CDH13: variants seen among roughly 807,000 people sequenced by gnomAD.
The protein encoded by CDH13 is cadherin 13, also known as cadherin-13.
In CDH13, 24 loss-of-function variants were observed where a neutral mutation model predicts 63.8. That is an observed-to-expected ratio of 0.38 (90% CI 0.27 to 0.53). The LOEUF (loss-of-function observed/expected upper bound fraction) is 0.53. CDH13 is among the 20% of genes least tolerant of loss of function. CDH13 has a pLI of 0.85. For synonymous variants in CDH13, 503 were observed against 355.3 expected, an observed-to-expected ratio of 1.42 and a Z score of -4.67; for missense variants, 1,049 against 903.1, an observed-to-expected ratio of 1.16 and a Z score of -2.07.
At position 83,222,419 on chromosome 16, in the gene CDH13, G is replaced by A. The variant is rs918661520; in HGVS notation, c.636+4922G>A. 9.9e-5 allele frequency among the ~76,000 whole-genome samples: 15 copies of A among 152,276 alleles called. No homozygotes were observed. In the South Asian group the frequency reaches 2.1e-3, roughly 21 times the overall value. On this transcript the variant is annotated intron_variant, in intron 5 of 13. Transcript: ENST00000567109. ...ACACATTAAAGTGAAAGCTGCTGCC[G>A]TCATGCGGAAATAGGTGTATCATAA...
In CDH13 at chr16:83,602,526, G is replaced by C; in HGVS notation, c.1033G>C (p.Gly345Arg). 1 of 1,613,938 alleles carries C rather than the reference G, an allele frequency of 6.2e-7. No homozygotes were observed. The highest frequency in any genetic ancestry group is 8.5e-7 in the Non-Finnish European group (1 of 1,179,834). ...DMAGLDVGLT[G>R]TATATIMIDD... ...GGCTGGACTGGATGTTGGATTAACA[G>C]GCACGGCCACAGCCACGATCATGAT... The change falls in exon 8 of 14, where the codon GGC becomes CGC. Residue 345 changes from glycine to arginine, a missense_variant. By Grantham distance (125) the Gly-to-Arg change is moderately radical. Coordinates refer to ENST00000567109, the MANE Select transcript of CDH13 (RefSeq NM_001257.5).
intron 5 of CDH13, among the ~76,000 whole-genome samples, chr16:83,244,709 G>C (rs1871561992): frequency 6.6e-6 from 1 of 152,112 alleles, no homozygotes; most frequent in Non-Finnish European, 1.5e-5. Context: ...AGCATTAAAG[G>C]CACATAGGCA....
intron 1 of CDH13, among the ~76,000 whole-genome samples, chr16:82,632,948 A>G (rs1309655075): frequency 6.6e-6 from 1 of 152,178 alleles, no homozygotes; most frequent in Non-Finnish European, 1.5e-5. Flanking sequence ...CCATGCACGC[A>G]CACAGTTCAC....
At chr16:82,722,554 C>G (rs925576026) in intron 1 of CDH13, among the ~76,000 whole-genome samples, 1 of 152,176 alleles carries the variant, frequency 6.6e-6, no homozygotes, top group African/African-American at 2.4e-5. Context: ...ACATGGCCAG[C>G]TCTGCAGCTG....
chr16:82,805,280 T>C (rs2037086240), intron 1 of CDH13, among the ~76,000 whole-genome samples: 2 of 152,196 alleles, frequency 1.3e-5, no homozygotes, highest in Admixed American at 1.3e-4. Context: ...GATTAGATGA[T>C]AAAGCTGAAT....
intron 2 of CDH13, among the ~76,000 whole-genome samples, chr16:82,871,628 G>A (rs1397028204): frequency 2.0e-5 from 3 of 150,994 alleles, no homozygotes; most frequent in Non-Finnish European, 4.4e-5. Flanking sequence ...TTGTGAGTTG[G>A]GCTGTTTTGA....
chr16:83,420,225 C>T (rs1597978574), intron 6 of CDH13, among the ~76,000 whole-genome samples: 1 of 152,116 alleles, frequency 6.6e-6, no homozygotes, highest in Admixed American at 6.5e-5. Context: ...CTCTATGAAG[C>T]AATTGTAGAG....
intron 6 of CDH13, among the ~76,000 whole-genome samples, chr16:83,453,046 A>C (rs2072925363): frequency 6.6e-6 from 1 of 152,224 alleles, no homozygotes; most frequent in African/African-American, 2.4e-5. Flanking sequence ...AGCCCTAAAA[A>C]GGAATGAATT....
intron 7 of CDH13, among the ~76,000 whole-genome samples, chr16:83,553,360 C>T (rs1438406561): frequency 6.6e-6 from 1 of 152,198 alleles, no homozygotes; most frequent in African/African-American, 2.4e-5. Flanking sequence ...ATAAAATTCA[C>T]ATCTGTAATC....
At chr16:82,838,805 C>G (rs538823089) in intron 1 of CDH13, among the ~76,000 whole-genome samples, 1 of 152,326 alleles carries the variant, frequency 6.6e-6, no homozygotes, top group South Asian at 2.1e-4. Context: ...TCACTGGCCT[C>G]TCCAGGCGGT....
At chr16:83,159,727 C>T (rs749181253) in intron 4 of CDH13, among the ~76,000 whole-genome samples, 2 of 152,182 alleles carry the variant, frequency 1.3e-5, no homozygotes, top group South Asian at 2.1e-4. Flanking sequence ...ACAGCATAGC[C>T]GCCTGTCAAG....
intron 5 of CDH13, among the ~76,000 whole-genome samples, chr16:83,289,002 T>C (rs1000651394): frequency 3.3e-5 from 5 of 152,200 alleles, no homozygotes; most frequent in Non-Finnish European, 7.3e-5. Context: ...ACAGTTCCCG[T>C]AAGGGGTTGG....
chr16:83,487,590 G>A (rs1235691043), intron 7 of CDH13, among the ~76,000 whole-genome samples: 1 of 152,082 alleles, frequency 6.6e-6, no homozygotes, highest in Non-Finnish European at 1.5e-5. Context: ...TCCAAACACA[G>A]CATCCTTAAA....
At chr16:83,134,594 T>A (rs8060054) in intron 4 of CDH13, among the ~76,000 whole-genome samples, 7,974 of 30,688 alleles carry the variant, frequency 0.26, 876 homozygotes, top group Non-Finnish European at 0.28. Flanking sequence ...AGAGAGAGAG[T>A]GAGTTACATG....
chr16:82,637,291 C>T lies in CDH13; in HGVS notation c.45+10154C>T, dbSNP rs929179836. 3.9e-5 allele frequency among the ~76,000 whole-genome samples: 6 copies of T among 152,112 alleles called. No homozygotes were observed. The South Asian group carries it at 8.3e-4, about 21-fold the overall frequency. ...TTGCGTTCTGTGGCAGTATTGATTC[C>T]GAACGTGTCTATCTTGTTTTTCTGC... On this transcript the variant is annotated intron_variant, in intron 1 of 13. Transcript: ENST00000567109.
At chr16:83,071,582 C>A (rs1324777496) in intron 3 of CDH13, among the ~76,000 whole-genome samples, 2 of 152,190 alleles carry the variant, frequency 1.3e-5, no homozygotes, top group Non-Finnish European at 2.9e-5. Flanking sequence ...CTTCAGGGAG[C>A]TGTGGTCGCT....
chr16:83,568,269 G>A (rs909139000), intron 7 of CDH13, among the ~76,000 whole-genome samples: 1 of 152,158 alleles, frequency 6.6e-6, no homozygotes, highest in African/African-American at 2.4e-5. Flanking sequence ...CACGAGTTTG[G>A]CCTTTAAAAA....
chr16:83,621,475 C>CTTTTTTTTTTTTTTT lies in CDH13; in HGVS notation c.1101+18896_1101+18910dup, dbSNP rs72032168. The stretch of plus-strand genomic sequence containing the variant: ...GCCCTCTTGCTCTCACCTCACCTGC[C>CTTTTTTTTTTTTTTT]TTTTTTTTTTTTTTTTTTTTTTTTT... On this transcript the variant is annotated intron_variant, in intron 8 of 13. Coordinates refer to ENST00000567109, the MANE Select transcript of CDH13 (RefSeq NM_001257.5). Among the ~76,000 whole-genome samples, 2 of 28,532 alleles carry CTTTTTTTTTTTTTTT rather than the reference C, an allele frequency of 7.0e-5. 1 individual carries two copies. Among genetic ancestry groups the CTTTTTTTTTTTTTTT allele is most frequent in the Non-Finnish European group, 1.1e-4 (2 of 17,644 alleles). 18.7% of individuals were successfully genotyped at this position (28,532 alleles called of 152,430 possible). A position where few individuals can be genotyped will look rare whatever the true frequency, so the allele number is the denominator to read the frequency against.
At chr16:82,814,358 A>T (rs1046235572) in intron 1 of CDH13, among the ~76,000 whole-genome samples, 1 of 152,134 alleles carries the variant, frequency 6.6e-6, no homozygotes, top group Non-Finnish European at 1.5e-5. Context: ...CAGGGGAATC[A>T]ACCATGTATT....
Sources: allele counts gnomAD v4.1 joint callset (sites outside exome capture counted in the v4.1 genomes callset), GRCh38; gene constraint gnomAD v4.1.1; transcripts MANE v1.5; gene names NCBI Gene and HGNC (gene_info 2026-07-23, HGNC 2026-07-21).